The following ASIC2 variants were observed in gnomAD, a reference collection of about 807,000 sequenced individuals.
ASIC2 encodes the protein acid-sensing ion channel 2.
Under a neutral mutation model 57.3 loss-of-function variants are expected in ASIC2, and 25 were observed. The observed-to-expected ratio is 0.44, with a 90% CI of 0.32 to 0.61. The LOEUF (loss-of-function observed/expected upper bound fraction) is 0.61. Among genes scored for constraint, ASIC2 ranks in the 20% least tolerant of loss-of-function variants. The probability of loss-of-function intolerance (pLI) is 0.06; values close to 1 mark genes in which losing one functional copy is unlikely to be tolerated. For missense variants in ASIC2, 641 were observed against 738.1 expected (o/e 0.87, Z 1.52); for synonymous variants, 319 against 307.5 (o/e 1.04, Z -0.39).
intron 6 of ASIC2, among the ~76,000 whole-genome samples, chr17:33,022,647 A>G (rs1263399507): frequency 6.6e-6 from 1 of 152,202 alleles, no homozygotes; most frequent in Non-Finnish European, 1.5e-5. Flanking sequence ...CACTTCTCCC[A>G]TGCTTCCATT....
chr17:33,118,418 G>T (rs1191375394), intron 1 of ASIC2, among the ~76,000 whole-genome samples: 2 of 152,200 alleles, frequency 1.3e-5, no homozygotes, highest in African/African-American at 4.8e-5. Context: ...CCAGGTCACA[G>T]AGCTGGAGGA....
chr17:34,121,345 A>G (rs1270698865), intron 1 of ASIC2, among the ~76,000 whole-genome samples: 2 of 152,098 alleles, frequency 1.3e-5, no homozygotes, highest in Non-Finnish European at 2.9e-5. Flanking sequence ...CTATCCTTCC[A>G]AACACTGGAA....
chr17:33,301,009 C>CATTT (rs71144872), intron 1 of ASIC2, among the ~76,000 whole-genome samples: 54 of 149,552 alleles, frequency 3.6e-4, no homozygotes, highest in South Asian at 2.8e-3. Flanking sequence ...TCTTTTTATT[C>CATTT]ATTTATTTAT....
At chr17:34,109,949 T>C (rs934114329) in intron 1 of ASIC2, among the ~76,000 whole-genome samples, 2 of 151,942 alleles carry the variant, frequency 1.3e-5, no homozygotes, top group African/African-American at 4.8e-5. Context: ...TGTGTTTGTG[T>C]GTGTGTGAGA....
At chr17:33,338,305 T>C (rs559338845) in intron 1 of ASIC2, among the ~76,000 whole-genome samples, 1 of 152,290 alleles carries the variant, frequency 6.6e-6, no homozygotes, top group South Asian at 2.1e-4. Context: ...AGAATGGAGA[T>C]GTTCCTTTCC....
chr17:33,525,399 G>A (rs1237196985), intron 1 of ASIC2, among the ~76,000 whole-genome samples: 1 of 152,192 alleles, frequency 6.6e-6, no homozygotes, highest in Non-Finnish European at 1.5e-5. Context: ...AATATCTACA[G>A]CTTCTCTGCC....
intron 1 of ASIC2, among the ~76,000 whole-genome samples, chr17:33,337,637 C>G (rs1237887707): frequency 1.3e-5 from 2 of 152,150 alleles, no homozygotes; most frequent in African/African-American, 2.4e-5. Context: ...CTGTGCTAGG[C>G]AAAGAGGGTG....
intron 1 of ASIC2, among the ~76,000 whole-genome samples, chr17:33,853,161 A>T (rs937561762): frequency 6.6e-6 from 1 of 152,228 alleles, no homozygotes; most frequent in Admixed American, 6.5e-5. Flanking sequence ...TTGAGCAGAG[A>T]TTCTTTTACA....
Position 33,292,737 on chromosome 17 carries a change from G to A in ASIC2, c.-622C>T, listed in dbSNP as rs1905549513. 7.1e-6 allele frequency: 7 copies of A among 985,730 alleles called. No individual in the cohort carries two copies. Among genetic ancestry groups the A allele is most frequent in the Non-Finnish European group, 8.4e-6 (7 of 830,298 alleles). 61.1% of individuals were successfully genotyped at this position (985,730 alleles called of 1,614,324 possible). A position where few individuals can be genotyped will look rare whatever the true frequency, so the allele number is the denominator to read the frequency against. On this transcript the variant is annotated 5_prime_UTR_variant, in exon 1 of 10. Transcript: ENST00000225823. ...GGGGTGGGTGTGTACGGGGGTGAGT[G>A]GTCGCCTTGCCGGCTGCCGCCTTCT...
At chr17:33,239,359 G>A (rs1191463478) in intron 1 of ASIC2, among the ~76,000 whole-genome samples, 7 of 151,932 alleles carry the variant, frequency 4.6e-5, no homozygotes, top group African/African-American at 1.7e-4. Flanking sequence ...GTAATCCCCC[G>A]GCCCCAGAAA....
At chr17:33,375,381 G>A (rs760067499) in intron 1 of ASIC2, among the ~76,000 whole-genome samples, 31 of 151,980 alleles carry the variant, frequency 2.0e-4, no homozygotes, top group Non-Finnish European at 3.2e-4. Context: ...GCAGTGTGGT[G>A]GGGGCAGAGA....
chr17:33,254,859 G>A (rs555657843), intron 1 of ASIC2, among the ~76,000 whole-genome samples: 357 of 151,870 alleles, frequency 2.4e-3, no homozygotes, highest in Non-Finnish European at 4.6e-3. Context: ...CACGTGCATG[G>A]GTGCACAGCA....
At chr17:34,036,849 A>G (rs1420935860) in intron 1 of ASIC2, 2 of 152,586 alleles carry the variant, frequency 1.3e-5, no homozygotes, top group South Asian at 2.1e-4. Flanking sequence ...TCTTTGTCCA[A>G]TGGCAAAAAC....
At chr17:33,149,444 A>G (rs1439716394) in intron 1 of ASIC2, among the ~76,000 whole-genome samples, 1 of 152,224 alleles carries the variant, frequency 6.6e-6, no homozygotes, top group Non-Finnish European at 1.5e-5. Flanking sequence ...TTATGTACTC[A>G]TTACATAATG....
chr17:33,763,491 G>T (rs146270978), intron 1 of ASIC2, among the ~76,000 whole-genome samples: 30 of 152,262 alleles, frequency 2.0e-4, no homozygotes, highest in African/African-American at 7.2e-4. Flanking sequence ...TGGGCACTGG[G>T]ATGGATTGCG....
chr17:33,458,570 C>T (rs4508460), intron 1 of ASIC2, among the ~76,000 whole-genome samples: 2 of 152,134 alleles, frequency 1.3e-5, no homozygotes, highest in African/African-American at 4.8e-5. Flanking sequence ...ACCTCTGTGC[C>T]TCAGTTTCCT....
chr17:33,230,996 CAG>C (rs1352363357), intron 1 of ASIC2, among the ~76,000 whole-genome samples: 1 of 152,148 alleles, frequency 6.6e-6, no homozygotes, highest in East Asian at 1.9e-4. Context: ...GAGAGAGAAA[CAG>C]AGAACCTTTT....
intron 1 of ASIC2, among the ~76,000 whole-genome samples, chr17:33,614,212 T>C (rs566695638): frequency 1.4e-3 from 216 of 152,318 alleles, no homozygotes; most frequent in Admixed American, 3.7e-3. Flanking sequence ...TAAAAATCTG[T>C]TTCTTGAGCA....
At chr17:33,446,029 G>A (rs1056892722) in intron 1 of ASIC2, among the ~76,000 whole-genome samples, 1 of 151,858 alleles carries the variant, frequency 6.6e-6, no homozygotes, top group Non-Finnish European at 1.5e-5. Flanking sequence ...AGTCTGTGAA[G>A]TACCATTTCC....
Sources: gnomAD v4.1 joint callset for allele counts (sites outside exome capture counted in the v4.1 genomes callset) on GRCh38, gnomAD v4.1.1 for gene constraint, MANE v1.5 for transcripts, NCBI Gene and HGNC (gene_info 2026-07-23, HGNC 2026-07-21) for gene names.